Variants in ITGAL observed in about 807,000 individuals in gnomAD.
ITGAL encodes the protein integrin subunit alpha L.
Under a neutral mutation model 138.4 loss-of-function variants are expected in ITGAL, and 68 were observed. The ratio of observed to expected loss-of-function variants is 0.49; its 90% CI spans 0.40 to 0.60. The LOEUF (loss-of-function observed/expected upper bound fraction) is 0.60, where lower values mean the gene tolerates loss of function less well. Among genes scored for constraint, ITGAL ranks in the 20% least tolerant of loss-of-function variants. ITGAL has a pLI of 0.00. For synonymous variants in ITGAL, 561 were observed against 584.3 expected (o/e 0.96, Z 0.57); for missense variants, 1,256 against 1,478.6 (o/e 0.85, Z 2.47).
chr16:30,493,588 T>G lies in ITGAL; in HGVS notation c.1214-624T>G, dbSNP rs1464878393. ...ACCGCACCTGGACTCCCATTTTAAT[T>G]TATTATTTAAGAAAAAAGAGGCCGG... On this transcript the variant is annotated intron_variant, in intron 11 of 30. Coordinates refer to ENST00000356798, the MANE Select transcript of ITGAL (RefSeq NM_002209.3). 1.3e-5 allele frequency among the ~76,000 whole-genome samples: 2 copies of G among 152,224 alleles called. 1 individual carries two copies. The highest frequency in any genetic ancestry group is 6.8e-3 in the Middle Eastern group (2 of 294).
rs1259087236 is a variant in ITGAL, at chr16:30,522,939, T to A, written c.*1274T>A. ...TCCAGCCTGGGCAACACAGCGAGAC[T>A]CCGTCTCAAGGAAAAAATAAAAATA... On this transcript the variant is annotated 3_prime_UTR_variant, in exon 31 of 31. Transcript: ENST00000356798. The surrounding 1 kb of genome is among the most constrained non-coding windows in gnomAD (Gnocchi z 4.0). 6.6e-6 allele frequency: 1 copy of A among 152,076 alleles called. No individual in the cohort carries two copies. The highest frequency in any genetic ancestry group is 1.9e-4 in the East Asian group (1 of 5,146). The allele number at this position is 152,076 out of a possible 1,614,324, so 9.4% of individuals were successfully genotyped here. A position where few individuals can be genotyped will look rare whatever the true frequency, so the allele number is the denominator to read the frequency against.
intron 4 of ITGAL, among the ~76,000 whole-genome samples, chr16:30,476,612 C>A (rs1316936433): frequency 6.6e-6 from 1 of 150,466 alleles, no homozygotes; most frequent in Non-Finnish European, 1.5e-5. Flanking sequence ...TACACAAATG[C>A]CTAAAGTTTA....
At position 30,499,452 on chromosome 16, in the gene ITGAL, C is replaced by G. The variant is rs1567477993; in HGVS notation, c.2108C>G (p.Thr703Ser). Residue 703 changes from threonine (T) to serine (S), a missense_variant, in exon 17 of 31, where the codon ACC (threonine) becomes AGC (serine). Thr to Ser is a moderately conservative substitution (Grantham distance 58). Coordinates refer to ENST00000356798, the MANE Select transcript of ITGAL (RefSeq NM_002209.3). ...CTCAGAAGGAATATAGCTGTCACCACCAGCATGTCATGCACTGACTTCTCA... is the reference window on the plus strand; with the variant it reads ...CTCAGAAGGAATATAGCTGTCACCAGCAGCATGTCATGCACTGACTTCTCA... ...HELRRNIAVT[T>S]SMSCTDFSFH... 1 of 1,613,754 alleles carries G rather than the reference C, an allele frequency of 6.2e-7. No individual in the cohort carries two copies. The highest frequency in any genetic ancestry group is 1.7e-5 in the Admixed American group (1 of 59,922).
intron 1 of ITGAL, 31 bp from the exon 2 acceptor site, chr16:30,474,165 G>A: frequency 1.3e-6 from 2 of 1,524,466 alleles, no homozygotes; most frequent in Non-Finnish European, 1.8e-6. Context: ...GGGGTCCCTC[G>A]GTCGCAGCTG....
chr16:30,486,069 A>G (rs1300660153), intron 9 of ITGAL, among the ~76,000 whole-genome samples: 1 of 152,130 alleles, frequency 6.6e-6, no homozygotes, highest in Admixed American at 6.6e-5. Flanking sequence ...AGAATAAGAG[A>G]AGATTTATAT....
chr16:30,505,364 T>TA, intron 19 of ITGAL, 25 bp from the exon 20 acceptor site: 1 of 1,613,648 alleles, frequency 6.2e-7, no homozygotes, highest in Non-Finnish European at 8.5e-7. Flanking sequence ...CTGAGCCTGT[T>TA]ACTCCTTTCT....
intron 7 of ITGAL, among the ~76,000 whole-genome samples, chr16:30,482,872 G>A (rs1440381486): frequency 6.6e-6 from 1 of 151,998 alleles, no homozygotes; most frequent in Non-Finnish European, 1.5e-5. Context: ...TGTTGCCCAG[G>A]CTGGAGCGCA....
At chr16:30,495,255 C>T (rs895715383) in intron 13 of ITGAL, among the ~76,000 whole-genome samples, 1 of 152,152 alleles carries the variant, frequency 6.6e-6, no homozygotes, top group African/African-American at 2.4e-5. Context: ...GAACTCCTGA[C>T]CTCAGGTGAT....
intron 17 of ITGAL, among the ~76,000 whole-genome samples, chr16:30,502,396 CA>C (rs57501055): frequency 0.2 from 15,208 of 75,816 alleles, 494 homozygotes; most frequent in East Asian, 0.43. Context: ...GACTCCATCT[CA>C]AAAAAAAAAA....
At chr16:30,504,151 AG>A in intron 17 of ITGAL, 23 bp from the exon 18 acceptor site, 1 of 1,546,122 alleles carries the variant, frequency 6.5e-7, no homozygotes, top group Non-Finnish European at 8.9e-7. Flanking sequence ...TTCATGACAT[AG>A]GCTGTATTCT....
chr16:30,490,254 T>C (rs1283178413), intron 11 of ITGAL, among the ~76,000 whole-genome samples: 1 of 148,784 alleles, frequency 6.7e-6, no homozygotes, highest in African/African-American at 2.5e-5. Context: ...AAAAGGCCTT[T>C]TATATGCAAA....
chr16:30,522,880 G>C lies in ITGAL; in HGVS notation c.*1215G>C, dbSNP rs1164800359. 6.6e-6 allele frequency: 1 copy of C among 152,368 alleles called. No individual in the cohort carries two copies. The highest frequency in any genetic ancestry group is 1.5e-5 in the Non-Finnish European group (1 of 68,172). 9.4% of individuals were successfully genotyped at this position (152,368 alleles called of 1,614,324 possible). A position where few individuals can be genotyped will look rare whatever the true frequency, so the allele number is the denominator to read the frequency against. The stretch of plus-strand genomic sequence containing the variant: ...GAGAATTGCTTGAACCTGGGAGGTG[G>C]AGGTTGCAGTGAGCCAAGATTGCGC... On this transcript the variant is annotated 3_prime_UTR_variant, in exon 31 of 31. Transcript: ENST00000356798. The surrounding 1 kb of genome is among the most constrained non-coding windows in gnomAD (Gnocchi z 4.0).
At chr16:30,510,014 G>C (rs1478036038) in intron 21 of ITGAL, among the ~76,000 whole-genome samples, 1 of 150,976 alleles carries the variant, frequency 6.6e-6, no homozygotes, top group Non-Finnish European at 1.5e-5. Flanking sequence ...ACTCTAGCCT[G>C]GGCAACAGAG....
intron 25 of ITGAL, 47 bp from the exon 26 acceptor site, chr16:30,516,926 G>C: frequency 7.6e-7 from 1 of 1,320,250 alleles, no homozygotes; most frequent in Non-Finnish European, 1.1e-6. Flanking sequence ...GGGGGCAGCT[G>C]GGGTGGCTGG....
chr16:30,499,734 T>TATATATGTATATATATATATATATATATA (rs71149033), intron 17 of ITGAL, among the ~76,000 whole-genome samples: 1 of 76,640 alleles, frequency 1.3e-5, no homozygotes, highest in African/African-American at 7.8e-5. Context: ...TATATATATA[T>TATATATGTATATATATATATATATATATA]TTTTTTTTTT....
intron 9 of ITGAL, among the ~76,000 whole-genome samples, chr16:30,485,877 C>G (rs2050640470): frequency 6.6e-6 from 1 of 152,058 alleles, no homozygotes; most frequent in Non-Finnish European, 1.5e-5. Flanking sequence ...TCTTGGAGCT[C>G]AGGTTGATCT....
chr16:30,495,953 G>A, intron 13 of ITGAL, 144 bp from the exon 14 acceptor site: 2 of 682,692 alleles, frequency 2.9e-6, no homozygotes, highest in South Asian at 1.7e-5. Flanking sequence ...GTCTGGGCTG[G>A]TGCTTGAACC....
intron 29 of ITGAL, among the ~76,000 whole-genome samples, chr16:30,519,542 G>C (rs2051220241): frequency 6.6e-6 from 1 of 152,150 alleles, no homozygotes; most frequent in Non-Finnish European, 1.5e-5. Flanking sequence ...AGTTCAGTGT[G>C]GCTAACAGGC....
intron 5 of ITGAL, 60 bp from the exon 6 acceptor site, chr16:30,479,271 G>A (rs1274916045): frequency 8.7e-6 from 14 of 1,613,216 alleles, no homozygotes; most frequent in Non-Finnish European, 1.2e-5. Context: ...GAGAGAACCA[G>A]CATGGGCAGG....
Sources: gnomAD v4.1 joint callset for allele counts (sites outside exome capture counted in the v4.1 genomes callset) on GRCh38, gnomAD v4.1.1 for gene constraint, Gnocchi (gnomAD v3.1) non-coding constraint, MANE v1.5 for transcripts, NCBI Gene and HGNC (gene_info 2026-07-23, HGNC 2026-07-21) for gene names.